Variants in KIF6 observed in about 807,000 individuals in gnomAD.
KIF6 encodes the protein kinesin-like protein KIF6.
Under a neutral mutation model 112.7 loss-of-function variants are expected in KIF6, and 106 were observed. The observed-to-expected ratio is 0.94, with a 90% CI of 0.80 to 1.11. The LOEUF (loss-of-function observed/expected upper bound fraction) is 1.11, where lower values mean the gene tolerates loss of function less well. KIF6 is among the 50% of genes least tolerant of loss of function. KIF6 has a pLI of 0.00. For missense variants in KIF6, 929 were observed against 964.0 expected (o/e 0.96, Z 0.48); for synonymous variants, 339 against 339.9 (o/e 1.00, Z 0.03).
At chr6:39,699,313 C>T (rs574635670) in intron 3 of KIF6, among the ~76,000 whole-genome samples, 16 of 152,154 alleles carry the variant, frequency 1.1e-4, no homozygotes, top group African/African-American at 3.4e-4. Context: ...CAGAATGGGC[C>T]TCACTAAGAA....
intron 3 of KIF6, among the ~76,000 whole-genome samples, chr6:39,650,137 T>C (rs1251317103): frequency 1.3e-5 from 2 of 152,182 alleles, no homozygotes; most frequent in East Asian, 3.8e-4. Context: ...AACCAAACTT[T>C]GCAAGAAGCA....
At chr6:39,621,891 C>T (rs944043450) in intron 5 of KIF6, among the ~76,000 whole-genome samples, 27 of 151,916 alleles carry the variant, frequency 1.8e-4, no homozygotes, top group African/African-American at 6.5e-4. Context: ...TTCAGCCAGG[C>T]GTGGTGGCTC....
chr6:39,455,320 G>C (rs1463375634), intron 13 of KIF6, among the ~76,000 whole-genome samples: 1 of 151,682 alleles, frequency 6.6e-6, no homozygotes, highest in Non-Finnish European at 1.5e-5. Context: ...CTGTCTGTTA[G>C]AAGGAAAACT....
intron 5 of KIF6, among the ~76,000 whole-genome samples, chr6:39,613,933 T>C (rs1783357145): frequency 6.6e-6 from 1 of 152,234 alleles, no homozygotes; most frequent in Non-Finnish European, 1.5e-5. Flanking sequence ...TGATCCTTTT[T>C]CATTTACAAC....
At chr6:39,615,792 A>G (rs1335146680) in intron 5 of KIF6, among the ~76,000 whole-genome samples, 1 of 152,132 alleles carries the variant, frequency 6.6e-6, no homozygotes, top group South Asian at 2.1e-4. Flanking sequence ...CTGATGAGTC[A>G]TATCTACTAA....
At chr6:39,435,235 T>G (rs116662894) in intron 13 of KIF6, among the ~76,000 whole-genome samples, 1,637 of 152,294 alleles carry the variant, frequency 0.011, 20 homozygotes, top group African/African-American at 0.035. Context: ...TGCTTCTCTA[T>G]CTAAAATGTT....
intron 2 of KIF6, 29 bp from the exon 3 acceptor site, chr6:39,714,795 A>C (rs1441778681): frequency 7.1e-7 from 1 of 1,403,282 alleles, no homozygotes; most frequent in Non-Finnish European, 1.0e-6. Flanking sequence ...TAATTATTTA[A>C]AAGCTGCACC....
intron 13 of KIF6, among the ~76,000 whole-genome samples, chr6:39,435,195 G>C (rs1410003693): frequency 6.6e-6 from 1 of 152,092 alleles, no homozygotes; most frequent in Non-Finnish European, 1.5e-5. Flanking sequence ...ATTAATAGTA[G>C]ATTTACCCAT....
chr6:39,694,586 A>C (rs1322265345), intron 3 of KIF6, among the ~76,000 whole-genome samples: 2 of 152,178 alleles, frequency 1.3e-5, no homozygotes, highest in Non-Finnish European at 2.9e-5. Context: ...ACACACCAAA[A>C]AAATACCTAG....
chr6:39,345,982 G>A (rs35854696), intron 20 of KIF6, among the ~76,000 whole-genome samples, 193 bp from the exon 21 acceptor site: 10,990 of 149,716 alleles, frequency 0.073, 726 homozygotes, highest in African/African-American at 0.18. Context: ...ATGAGGTCCT[G>A]AGGGTAGGGC....
At chr6:39,455,540 A>G (rs1460473346) in intron 13 of KIF6, among the ~76,000 whole-genome samples, 1 of 152,182 alleles carries the variant, frequency 6.6e-6, no homozygotes, top group Non-Finnish European at 1.5e-5. Context: ...GACGAGCTGA[A>G]GGAAGAAGGC....
intron 13 of KIF6, among the ~76,000 whole-genome samples, chr6:39,442,010 G>A (rs1425802727): frequency 5.9e-5 from 9 of 152,150 alleles, no homozygotes; most frequent in Non-Finnish European, 1.2e-4. Context: ...TAAACCTTAG[G>A]AGACCCACCC....
At chr6:39,385,508 C>G in intron 16 of KIF6, 114 bp downstream of exon 16, 1 of 859,082 alleles carries the variant, frequency 1.2e-6, no homozygotes, top group Admixed American at 1.8e-5. Flanking sequence ...CCTTGCCATC[C>G]TTAACCTCAG....
Position 39,695,686 on chromosome 6 carries a change from A to G in KIF6, c.251+19006T>C, listed in dbSNP as rs575035903. ...GTTGCAGAGAAAAGGGAATCTTTCT[A>G]CACTGTTCATGGGAATGCAAATTAC... is the stretch of plus-strand genomic sequence containing the variant. On this transcript the variant is annotated intron_variant, in intron 3 of 22. Transcript: ENST00000287152. 2.6e-5 allele frequency among the ~76,000 whole-genome samples: 4 copies of G among 152,346 alleles called. No homozygotes were observed. In the East Asian group the frequency reaches 7.7e-4, roughly 29 times the overall value.
At chr6:39,440,057 C>T (rs956211363) in intron 13 of KIF6, among the ~76,000 whole-genome samples, 1 of 152,046 alleles carries the variant, frequency 6.6e-6, no homozygotes, top group African/African-American at 2.4e-5. Flanking sequence ...TATTCACTCG[C>T]GTGGGGCCTC....
chr6:39,407,048 G>A lies in KIF6; in HGVS notation c.1810+12900C>T, dbSNP rs1008648786. 3.9e-5 allele frequency among the ~76,000 whole-genome samples: 6 copies of A among 152,142 alleles called. No homozygotes were observed. In the South Asian group the frequency reaches 1.2e-3, roughly 32 times the overall value. On this transcript the variant is annotated intron_variant, in intron 15 of 22. Coordinates refer to ENST00000287152, the MANE Select transcript of KIF6 (RefSeq NM_145027.6). ...TAGGATTACAGGCATGAGCCACTGT[G>A]CCCAGCTTCAAGTAATTTTGGATCA...
intron 19 of KIF6, among the ~76,000 whole-genome samples, chr6:39,350,627 G>A (rs974667315): frequency 2.0e-5 from 3 of 152,166 alleles, no homozygotes; most frequent in African/African-American, 4.8e-5. Context: ...AATCCTTCAC[G>A]TGAGATGTTC....
At chr6:39,693,621 A>C (rs1788353589) in intron 3 of KIF6, among the ~76,000 whole-genome samples, 1 of 152,200 alleles carries the variant, frequency 6.6e-6, no homozygotes, top group Admixed American at 6.5e-5. Flanking sequence ...AACAGGAAGA[A>C]ACAGAAATCT....
rs114096744 is a variant in KIF6, at chr6:39,674,571, G to A, written c.252-34814C>T. Among the ~76,000 whole-genome samples, 1,175 of 152,008 alleles carry A rather than the reference G, an allele frequency of 7.7e-3. 18 individuals are homozygous for A. Among genetic ancestry groups the A allele is most frequent in the African/African-American group, 0.027 (1,118 of 41,438 alleles). On this transcript the variant is annotated intron_variant, in intron 3 of 22. Coordinates refer to ENST00000287152, the MANE Select transcript of KIF6 (RefSeq NM_145027.6). ...AGCTGAGCAAGTTGACTAAGAACAA[G>A]CCTTGTGGGTAAAATGTGGAAATGT...
Sources: gnomAD v4.1 joint callset for allele counts (sites outside exome capture counted in the v4.1 genomes callset) on GRCh38, gnomAD v4.1.1 for gene constraint, MANE v1.5 for transcripts, NCBI Gene and HGNC (gene_info 2026-07-23, HGNC 2026-07-21) for gene names.